ZFPM1: variants seen among roughly 807,000 people sequenced by gnomAD.
ZFPM1 encodes zinc finger protein ZFPM1.
ZFPM1 carries 28 observed loss-of-function variants against 46.3 expected under a neutral mutation model. The observed-to-expected ratio is 0.60, with a 90% CI of 0.45 to 0.83. The LOEUF is 0.83. Among genes scored for constraint, ZFPM1 ranks in the 40% least tolerant of loss-of-function variants. The pLI, the probability that ZFPM1 is intolerant of heterozygous loss-of-function variation, is 0.00. For missense variants in ZFPM1, 1,878 were observed against 1,432.4 expected (o/e 1.31, Z -5.02); for synonymous variants, 957 against 675.9 (o/e 1.42, Z -6.45).
intron 3 of ZFPM1, among the ~76,000 whole-genome samples, chr16:88,501,165 A>C (rs1055993551): frequency 1.7e-5 from 2 of 120,986 alleles, no homozygotes; most frequent in Non-Finnish European, 3.6e-5. Context: ...GATGATGGAG[A>C]TAGCAGACAT....
At chr16:88,511,001 C>T (rs1416482759) in intron 3 of ZFPM1, among the ~76,000 whole-genome samples, 3 of 152,064 alleles carry the variant, frequency 2.0e-5, no homozygotes, top group Non-Finnish European at 2.9e-5. Context: ...CCACAGCTAG[C>T]GTCCCCATTC....
intron 1 of ZFPM1, among the ~76,000 whole-genome samples, chr16:88,458,209 G>A (rs978700467): frequency 1.3e-5 from 2 of 152,170 alleles, no homozygotes; most frequent in African/African-American, 4.8e-5. Flanking sequence ...TCCATCCTCC[G>A]GCTTCTGTCT....
At chr16:88,461,721 A>G (rs1268557615) in intron 1 of ZFPM1, among the ~76,000 whole-genome samples, 1 of 151,870 alleles carries the variant, frequency 6.6e-6, no homozygotes, top group South Asian at 2.1e-4. Context: ...TTCAGGCGTT[A>G]GGTTTTGAAG....
Position 88,526,884 on chromosome 16 carries a change from A to G in ZFPM1, c.473A>G (p.Glu158Gly). ...AGGACGCTGCCCCAGGCCCTGACTG[A>G]GGCCGAGGCCAACACAGAGATCCAC... Reference protein sequence around the residue: ...WLRTLPQALTEAEANTEIHRK... With the variant: ...WLRTLPQALTGAEANTEIHRK... Residue 158 changes from glutamate (E) to glycine (G), a missense_variant, in exon 5 of 10, where the codon GAG becomes GGG. By Grantham distance (98) the Glu-to-Gly change is moderately conservative (BLOSUM62 -2). Transcript: ENST00000319555. 6.4e-7 allele frequency: 1 copy of G among 1,565,188 alleles called. No homozygotes were observed. The highest frequency in any genetic ancestry group is 8.7e-7 in the Non-Finnish European group (1 of 1,154,690).
chr16:88,506,833 C>T (rs1910689183), intron 3 of ZFPM1, among the ~76,000 whole-genome samples: 1 of 152,186 alleles, frequency 6.6e-6, no homozygotes, highest in Non-Finnish European at 1.5e-5. Context: ...ATCTGCAGAG[C>T]CCTCGAGTGG....
At chr16:88,474,292 C>T (rs1449076848) in intron 1 of ZFPM1, among the ~76,000 whole-genome samples, 2 of 152,212 alleles carry the variant, frequency 1.3e-5, no homozygotes, top group East Asian at 1.9e-4. Flanking sequence ...AGAGAAGGGG[C>T]AGGCTCAGGG....
chr16:88,502,108 T>TTATC (rs1208172456), intron 3 of ZFPM1, among the ~76,000 whole-genome samples: 6 of 140,364 alleles, frequency 4.3e-5, no homozygotes, highest in Admixed American at 7.4e-5. Context: ...ATTTATTTAT[T>TTATC]TATCTCTCCT....
At chr16:88,495,020 T>C (rs1448830392) in intron 3 of ZFPM1, among the ~76,000 whole-genome samples, 3 of 152,218 alleles carry the variant, frequency 2.0e-5, no homozygotes, top group African/African-American at 7.2e-5. Flanking sequence ...CTATAATCCC[T>C]GCACGCGCTC....
chr16:88,527,577 C>T (rs1020614550), intron 5 of ZFPM1, among the ~76,000 whole-genome samples: 6 of 152,076 alleles, frequency 3.9e-5, no homozygotes, highest in Non-Finnish European at 7.4e-5. Flanking sequence ...GCCCGGGCGC[C>T]CCAGGTGAAC....
At chr16:88,457,627 CTT>C (rs1907616110) in intron 1 of ZFPM1, among the ~76,000 whole-genome samples, 1 of 152,076 alleles carries the variant, frequency 6.6e-6, no homozygotes, top group Admixed American at 6.6e-5. Context: ...GTTTTTCTCT[CTT>C]TCTCTCTCTT....
chr16:88,472,783 G>A (rs920543361), intron 1 of ZFPM1, among the ~76,000 whole-genome samples: 2 of 152,226 alleles, frequency 1.3e-5, no homozygotes, highest in African/African-American at 2.4e-5. Context: ...ATAACTCCAC[G>A]CCCTCCCGGC....
intron 1 of ZFPM1, among the ~76,000 whole-genome samples, chr16:88,466,275 C>A (rs1281141277): frequency 1.3e-5 from 2 of 152,230 alleles, no homozygotes; most frequent in African/African-American, 4.8e-5. Flanking sequence ...CCAGCCCCGG[C>A]AGTTCTGGCA....
At position 88,534,331 on chromosome 16, in the gene ZFPM1, C is replaced by G; in HGVS notation, c.2373C>G (p.Ala791=). The G allele has an allele frequency of 2.9e-6, 4 of 1,362,282 alleles. No individual in the cohort carries two copies. Among genetic ancestry groups the G allele is most frequent in the Non-Finnish European group, 3.8e-6 (4 of 1,058,466 alleles). 84.4% of individuals were successfully genotyped at this position (1,362,282 alleles called of 1,614,324 possible). The change falls in exon 10 of 10, where the codon GCC becomes GCG. Residue 791 remains alanine (A), a synonymous_variant. Coordinates refer to ENST00000319555, the MANE Select transcript of ZFPM1 (RefSeq NM_153813.3). ...CTGCGCGCTCGCCCGGCCCCGCGGC[C>G]GACGGCCCCATCGACCTGAGCAAGA... The part of the protein sequence containing the change: ...LAPARSPGPA[A]DGPIDLSKKP...
At chr16:88,467,590 G>A (rs890384470) in intron 1 of ZFPM1, among the ~76,000 whole-genome samples, 1 of 152,314 alleles carries the variant, frequency 6.6e-6, no homozygotes, top group Admixed American at 6.5e-5. Context: ...GGGCACATGC[G>A]CAGCTGCTCC....
intron 3 of ZFPM1, among the ~76,000 whole-genome samples, chr16:88,491,816 G>T (rs576523126): frequency 6.6e-6 from 1 of 152,214 alleles, no homozygotes; most frequent in Non-Finnish European, 1.5e-5. Flanking sequence ...CTGGCCAACC[G>T]CTGCAGTGGC....
At chr16:88,464,737 T>C (rs1908056858) in intron 1 of ZFPM1, among the ~76,000 whole-genome samples, 1 of 152,242 alleles carries the variant, frequency 6.6e-6, no homozygotes, top group Non-Finnish European at 1.5e-5. Context: ...GGTCCGGGCC[T>C]CTGGCGGGCA....
At chr16:88,532,971 G>C (rs371206066) in intron 9 of ZFPM1, 36 bp downstream of exon 9, 1 of 1,610,832 alleles carries the variant, frequency 6.2e-7, no homozygotes, top group Admixed American at 1.7e-5. Flanking sequence ...CTGCCCCTTA[G>C]GCCCCCTGAG....
intron 1 of ZFPM1, among the ~76,000 whole-genome samples, chr16:88,465,443 C>G (rs1908091073): frequency 6.6e-6 from 1 of 152,254 alleles, no homozygotes. Flanking sequence ...GGCCATGTCT[C>G]TGTGCCTCAG....
In ZFPM1 at chr16:88,534,311, C is replaced by T. The variant is rs1913092710; in HGVS notation, c.2353C>T (p.Arg785Cys). 10 of 1,310,742 alleles carry T rather than the reference C, an allele frequency of 7.6e-6. No homozygotes were observed. Among genetic ancestry groups the T allele is most frequent in the Non-Finnish European group, 8.7e-6 (9 of 1,030,882 alleles). The allele number at this position is 1,310,742 out of a possible 1,614,324, so 81.2% of individuals were successfully genotyped here. The stretch of plus-strand genomic sequence containing the variant: ...AAGCGGCCCCGGCCTCGCCCCTGCG[C>T]GCTCGCCCGGCCCCGCGGCCGACGG... Reference protein sequence around the residue: ...SGSGPGLAPARSPGPAADGPI... With the variant: ...SGSGPGLAPACSPGPAADGPI... Residue 785 changes from arginine (R) to cysteine (C), a missense_variant, in exon 10 of 10, where the codon CGC becomes TGC. By Grantham distance (180) the Arg-to-Cys change is radical. Coordinates refer to ENST00000319555, the MANE Select transcript of ZFPM1 (RefSeq NM_153813.3).
Sources: allele counts gnomAD v4.1 joint callset (sites outside exome capture counted in the v4.1 genomes callset), GRCh38; gene constraint gnomAD v4.1.1; transcripts MANE v1.5; gene names NCBI Gene and HGNC (gene_info 2026-07-23, HGNC 2026-07-21).